The following RBFOX1 variants were observed in gnomAD, a reference collection of about 807,000 sequenced individuals.
The protein encoded by RBFOX1 is RNA binding protein fox-1 homolog 1.
Under a neutral mutation model 57.7 loss-of-function variants are expected in RBFOX1, and 8 were observed. The ratio of observed to expected loss-of-function variants is 0.14; its 90% CI spans 0.08 to 0.25. The LOEUF is 0.25. Among genes scored for constraint, RBFOX1 ranks in the 10% least tolerant of loss-of-function variants. RBFOX1 has a pLI of 1.00. For missense variants in RBFOX1, 611 were observed against 548.5 expected, an observed-to-expected ratio of 1.11 and a Z score of -1.14; for synonymous variants, 326 against 222.4, an observed-to-expected ratio of 1.47 and a Z score of -4.15.
intron 3 of RBFOX1, among the ~76,000 whole-genome samples, chr16:6,796,134 A>G (rs946661669): frequency 1.3e-5 from 2 of 151,644 alleles, no homozygotes; most frequent in Non-Finnish European, 2.9e-5. Flanking sequence ...GGAAGGTGAA[A>G]GGTATGTCTC....
At chr16:5,537,107 G>T (rs1325062645) in intron 2 of RBFOX1, among the ~76,000 whole-genome samples, 2 of 152,116 alleles carry the variant, frequency 1.3e-5, no homozygotes, top group Non-Finnish European at 2.9e-5. Context: ...CTAGCAGTCT[G>T]TTCATGTTGA....
intron 4 of RBFOX1, among the ~76,000 whole-genome samples, chr16:7,269,556 A>G (rs1279911408): frequency 6.6e-6 from 1 of 152,170 alleles, no homozygotes; most frequent in Non-Finnish European, 1.5e-5. Context: ...TTTACTTGGT[A>G]TTAAAATGTG....
intron 1 of RBFOX1, among the ~76,000 whole-genome samples, chr16:6,205,119 T>C (rs1285925309): frequency 6.6e-6 from 1 of 152,164 alleles, no homozygotes; most frequent in Non-Finnish European, 1.5e-5. Context: ...AGTCCTGTTA[T>C]CTAATTATTG....
intron 2 of RBFOX1, among the ~76,000 whole-genome samples, chr16:5,478,728 A>G (rs1007447480): frequency 1.3e-5 from 2 of 152,234 alleles, no homozygotes; most frequent in African/African-American, 4.8e-5. Flanking sequence ...CCCCAGCACG[A>G]GGCACCTTTT....
chr16:6,870,789 A>T (rs1267632231), intron 3 of RBFOX1, among the ~76,000 whole-genome samples: 1 of 152,188 alleles, frequency 6.6e-6, no homozygotes, highest in African/African-American at 2.4e-5. Flanking sequence ...TTTCACTACT[A>T]GCAACTAATT....
At chr16:6,136,836 C>T (rs1423818295) in intron 1 of RBFOX1, among the ~76,000 whole-genome samples, 4 of 152,112 alleles carry the variant, frequency 2.6e-5, no homozygotes, top group African/African-American at 9.7e-5. Flanking sequence ...CTGTGAAACC[C>T]TTTGTATAAT....
At chr16:7,287,490 C>A (rs992108917) in intron 4 of RBFOX1, among the ~76,000 whole-genome samples, 5 of 152,292 alleles carry the variant, frequency 3.3e-5, no homozygotes, top group East Asian at 1.9e-4. Context: ...GTGGACCAAG[C>A]CTGTATTCCC....
intron 3 of RBFOX1, among the ~76,000 whole-genome samples, chr16:6,802,469 G>A (rs145965871): frequency 6.6e-6 from 1 of 152,156 alleles, no homozygotes; most frequent in African/African-American, 2.4e-5. Flanking sequence ...CTGAGGTCAG[G>A]AGTTTGAGAC....
chr16:6,228,375 C>T (rs2097432867), intron 1 of RBFOX1, among the ~76,000 whole-genome samples: 2 of 151,514 alleles, frequency 1.3e-5, no homozygotes, highest in Admixed American at 6.6e-5. Flanking sequence ...TGGAAACAAC[C>T]TAAGTGTCCC....
intron 2 of RBFOX1, among the ~76,000 whole-genome samples, chr16:6,616,723 C>A (rs2098146560): frequency 6.6e-6 from 1 of 152,188 alleles, no homozygotes; most frequent in East Asian, 1.9e-4. Flanking sequence ...GCATGAGCCA[C>A]CATGCCCGGC....
intron 1 of RBFOX1, among the ~76,000 whole-genome samples, chr16:6,028,797 A>T (rs1335956856): frequency 6.6e-6 from 1 of 152,226 alleles, no homozygotes; most frequent in East Asian, 1.9e-4. Context: ...CTTGCCTTCA[A>T]GGTGATAAGG....
chr16:6,286,496 C>A (rs2076921121), intron 1 of RBFOX1, among the ~76,000 whole-genome samples: 1 of 152,176 alleles, frequency 6.6e-6, no homozygotes, highest in South Asian at 2.1e-4. Context: ...ACCTACCTTG[C>A]AAGATTGTTG....
At chr16:6,506,696 G>A (rs1320957452) in intron 2 of RBFOX1, among the ~76,000 whole-genome samples, 1 of 119,414 alleles carries the variant, frequency 8.4e-6, no homozygotes, top group African/African-American at 3.3e-5. Flanking sequence ...CTCCCAGGCT[G>A]GAGTACAGTG....
chr16:7,507,246 G>T (rs1050864401), intron 4 of RBFOX1, among the ~76,000 whole-genome samples: 3 of 152,108 alleles, frequency 2.0e-5, no homozygotes, highest in African/African-American at 7.2e-5. Flanking sequence ...ATTCATAAAA[G>T]ATTTTACACT....
chr16:5,987,079 T>C (rs112989982), intron 4 of RBFOX1, among the ~76,000 whole-genome samples: 14 of 152,356 alleles, frequency 9.2e-5, no homozygotes, highest in African/African-American at 3.4e-4. Flanking sequence ...TTACAGGTTG[T>C]AGTGATATTG....
intron 3 of RBFOX1, among the ~76,000 whole-genome samples, chr16:6,821,061 G>A (rs2091211601): frequency 6.6e-6 from 1 of 152,126 alleles, no homozygotes; most frequent in African/African-American, 2.4e-5. Flanking sequence ...TATATTTCCA[G>A]TGTGAGAAAC....
chr16:6,514,265 G>C (rs1481073636), intron 2 of RBFOX1, among the ~76,000 whole-genome samples: 1 of 152,110 alleles, frequency 6.6e-6, no homozygotes, highest in Non-Finnish European at 1.5e-5. Flanking sequence ...ACGTACACGG[G>C]CAATCCTTTC....
chr16:6,438,980 G>C (rs1199896238), intron 2 of RBFOX1, among the ~76,000 whole-genome samples: 1 of 152,150 alleles, frequency 6.6e-6, no homozygotes, highest in Non-Finnish European at 1.5e-5. Flanking sequence ...ACTGCTAGTG[G>C]CTTGAAGTTC....
At chr16:6,186,004 G>C (rs531568149) in intron 1 of RBFOX1, among the ~76,000 whole-genome samples, 1 of 152,290 alleles carries the variant, frequency 6.6e-6, no homozygotes, top group Admixed American at 6.5e-5. Context: ...TACTGCTGTG[G>C]CATTATTATT....
Sources: allele counts gnomAD v4.1 joint callset (sites outside exome capture counted in the v4.1 genomes callset), GRCh38; gene constraint gnomAD v4.1.1; transcripts MANE v1.5; gene names NCBI Gene and HGNC (gene_info 2026-07-23, HGNC 2026-07-21).